SMOC1: variants seen among roughly 807,000 people sequenced by gnomAD.
The protein encoded by SMOC1 is SPARC related modular calcium binding 1, also known as SPARC-related modular calcium-binding protein 1.
SMOC1 carries 22 observed loss-of-function variants against 56.3 expected under a neutral mutation model. The ratio of observed to expected loss-of-function variants is 0.39; its 90% confidence interval spans 0.28 to 0.56. The LOEUF is 0.56. SMOC1 is among the 20% of genes least tolerant of loss of function. The pLI is 0.61. For synonymous variants in SMOC1, 193 were observed against 215.0 expected (o/e 0.90, Z 0.89); for missense variants, 509 against 565.4 (o/e 0.90, Z 1.01).
chr14:69,947,628 C>T (rs986259434), intron 1 of SMOC1, among the ~76,000 whole-genome samples: 2 of 152,066 alleles, frequency 1.3e-5, no homozygotes, highest in Non-Finnish European at 2.9e-5. Context: ...GAGAAAAATT[C>T]GATTGAAGAC....
At chr14:69,920,665 G>A (rs1006134189) in intron 1 of SMOC1, among the ~76,000 whole-genome samples, 1 of 151,976 alleles carries the variant, frequency 6.6e-6, no homozygotes, top group Non-Finnish European at 1.5e-5. Flanking sequence ...TTACAGTCTG[G>A]TGGGGGGGAG....
chr14:69,901,131 TC>T (rs1884231631), intron 1 of SMOC1, among the ~76,000 whole-genome samples: 1 of 152,228 alleles, frequency 6.6e-6, no homozygotes, highest in South Asian at 2.1e-4. Context: ...TTTTCTCAGC[TC>T]CTTCTCCCAT....
chr14:70,009,137 G>GT (rs542770528), intron 7 of SMOC1, among the ~76,000 whole-genome samples: 1 of 151,878 alleles, frequency 6.6e-6, no homozygotes, highest in East Asian at 1.9e-4. Context: ...GAAAACAGTA[G>GT]TTTTTTTTCA....
At chr14:70,017,129 G>A (rs771442595) in intron 10 of SMOC1, among the ~76,000 whole-genome samples, 5 of 152,220 alleles carry the variant, frequency 3.3e-5, no homozygotes, top group Non-Finnish European at 5.9e-5. Context: ...ACGGGGGATA[G>A]ATGGATGGAT....
At chr14:70,003,467 G>A (rs1185485446) in intron 7 of SMOC1, among the ~76,000 whole-genome samples, 1 of 152,160 alleles carries the variant, frequency 6.6e-6, no homozygotes, top group Non-Finnish European at 1.5e-5. Flanking sequence ...CATCCCTACG[G>A]TTTATTCAAC....
At chr14:69,966,429 G>A (rs1344803068) in intron 3 of SMOC1, among the ~76,000 whole-genome samples, 1 of 152,170 alleles carries the variant, frequency 6.6e-6, no homozygotes, top group Non-Finnish European at 1.5e-5. Context: ...AATTGGATTG[G>A]TGGTCTTAAC....
At chr14:70,004,457 A>G (rs940906950) in intron 7 of SMOC1, among the ~76,000 whole-genome samples, 1 of 152,222 alleles carries the variant, frequency 6.6e-6, no homozygotes. Context: ...CCATCCAATC[A>G]GTGGAAGGGC....
intron 1 of SMOC1, among the ~76,000 whole-genome samples, chr14:69,889,404 AT>A (rs1448605346): frequency 6.6e-6 from 1 of 152,180 alleles, no homozygotes; most frequent in Non-Finnish European, 1.5e-5. Context: ...GCTTACCCCT[AT>A]GATGGCATGT....
At chr14:69,923,064 C>G (rs1245878694) in intron 1 of SMOC1, among the ~76,000 whole-genome samples, 1 of 152,078 alleles carries the variant, frequency 6.6e-6, no homozygotes, top group Non-Finnish European at 1.5e-5. Flanking sequence ...CCTGCCTCAG[C>G]CTCCCGAGTA....
intron 11 of SMOC1, 95 bp downstream of exon 11, chr14:70,023,542 C>A: frequency 6.5e-7 from 1 of 1,530,786 alleles, no homozygotes; most frequent in Non-Finnish European, 9.0e-7. Flanking sequence ...TCCAGATACT[C>A]ATCTATTCAT....
intron 5 of SMOC1, among the ~76,000 whole-genome samples, chr14:69,984,288 A>T (rs990019672): frequency 2.6e-5 from 4 of 152,262 alleles, no homozygotes; most frequent in Non-Finnish European, 4.4e-5. Flanking sequence ...TTCAAAATGG[A>T]TCGTAGACTT....
chr14:69,945,002 C>T (rs1475355319), intron 1 of SMOC1, among the ~76,000 whole-genome samples: 1 of 152,100 alleles, frequency 6.6e-6, no homozygotes, highest in African/African-American at 2.4e-5. Context: ...AATCACTATA[C>T]ATTTGAGAGC....
chr14:69,932,430 G>A (rs565633774), intron 1 of SMOC1, among the ~76,000 whole-genome samples: 1 of 152,312 alleles, frequency 6.6e-6, no homozygotes, highest in African/African-American at 2.4e-5. Context: ...CCCTGGGGCT[G>A]GGGGTGTGCT....
chr14:69,879,656 G>T lies in SMOC1; in HGVS notation c.-23G>T. The T allele has an allele frequency of 6.8e-7, 1 of 1,481,060 alleles. No individual in the cohort carries two copies. The highest frequency in any genetic ancestry group is 8.9e-7 in the Non-Finnish European group (1 of 1,123,128). The allele number at this position is 1,481,060 out of a possible 1,614,324, so 91.7% of individuals were successfully genotyped here. On this transcript the variant is annotated 5_prime_UTR_variant, in exon 1 of 12. Coordinates refer to ENST00000361956, the MANE Select transcript of SMOC1 (RefSeq NM_001034852.3). Reference sequence around the variant, plus strand: ...GAGCCCGCGAACCCCGCTCGCTGCCGGCTGCCCAGCCTGGCTGGCACCATG... The same window carrying T: ...GAGCCCGCGAACCCCGCTCGCTGCCTGCTGCCCAGCCTGGCTGGCACCATG...
At chr14:69,919,913 C>CG (rs915061958) in intron 1 of SMOC1, among the ~76,000 whole-genome samples, 16 of 128,448 alleles carry the variant, frequency 1.2e-4, no homozygotes, top group African/African-American at 6.3e-4. Context: ...CACAAATACC[C>CG]CCCCCCCCCT....
intron 5 of SMOC1, among the ~76,000 whole-genome samples, chr14:69,980,919 T>C (rs2139515246): frequency 6.6e-6 from 1 of 152,278 alleles, no homozygotes; most frequent in Admixed American, 6.5e-5. Context: ...CCCTAGCCTC[T>C]TGCCTTTTTG....
intron 1 of SMOC1, among the ~76,000 whole-genome samples, chr14:69,887,270 A>G (rs552520503): frequency 1.3e-5 from 2 of 152,178 alleles, no homozygotes; most frequent in Admixed American, 6.5e-5. Flanking sequence ...AGTTTTTAGG[A>G]CTACATACAG....
intron 1 of SMOC1, among the ~76,000 whole-genome samples, chr14:69,901,921 C>A (rs1399831122): frequency 1.3e-5 from 2 of 152,216 alleles, no homozygotes; most frequent in East Asian, 3.9e-4. Flanking sequence ...CCAGCCTCTA[C>A]TCTGTCTTTT....
chr14:69,931,752 G>A (rs1479880943), intron 1 of SMOC1, among the ~76,000 whole-genome samples: 6 of 152,206 alleles, frequency 3.9e-5, no homozygotes, highest in Non-Finnish European at 8.8e-5. Context: ...TGTGGCGGTG[G>A]CAGCTGTCAA....
Sources: allele counts gnomAD v4.1 joint callset (sites outside exome capture counted in the v4.1 genomes callset), GRCh38; gene constraint gnomAD v4.1.1; transcripts MANE v1.5; gene names NCBI Gene and HGNC (gene_info 2026-07-23, HGNC 2026-07-21).